The following RANBP17 variants were observed in gnomAD, a reference collection of about 807,000 sequenced individuals.
RANBP17 encodes the protein ran-binding protein 17.
In RANBP17, 158 loss-of-function variants were observed where a neutral mutation model predicts 141.2. The observed-to-expected ratio is 1.12, with a 90% CI of 0.98 to 1.28. RANBP17 has a LOEUF of 1.28. Among genes scored for constraint, RANBP17 ranks in the 50% most tolerant of loss-of-function variants. The pLI is 0.00. For synonymous variants in RANBP17, 430 were observed against 450.0 expected, an observed-to-expected ratio of 0.96 and a Z score of 0.56; for missense variants, 1,438 against 1,290.7, an observed-to-expected ratio of 1.11 and a Z score of -1.75.
chr5:170,945,373 G>A lies in RANBP17; in HGVS notation c.1469-8224G>A, dbSNP rs553501601. Among the ~76,000 whole-genome samples, 318 of 152,198 alleles carry A rather than the reference G, an allele frequency of 2.1e-3. 2 individuals carry two copies. The highest frequency in any genetic ancestry group is 3.4e-3 in the Non-Finnish European group (233 of 68,006). Reference sequence around the variant, plus strand: ...TTTTGTAGGTATGATACAGAACCACGTTAAAAAGGGGATGACAATTTAATA... The same window carrying A: ...TTTTGTAGGTATGATACAGAACCACATTAAAAAGGGGATGACAATTTAATA... On this transcript the variant is annotated intron_variant, in intron 12 of 27. Transcript: ENST00000523189.
chr5:171,268,355 A>C (rs1392344824), intron 25 of RANBP17, among the ~76,000 whole-genome samples: 1 of 152,176 alleles, frequency 6.6e-6, no homozygotes, highest in Non-Finnish European at 1.5e-5. Context: ...CAGATGAATA[A>C]ATTGAGGTAC....
At chr5:171,060,141 T>G (rs572913123) in intron 14 of RANBP17, among the ~76,000 whole-genome samples, 215 of 87,152 alleles carry the variant, frequency 2.5e-3, no homozygotes, top group Non-Finnish European at 4.4e-3. Flanking sequence ...CTTTTCCTAA[T>G]TGAATACCCT....
intron 26 of RANBP17, among the ~76,000 whole-genome samples, chr5:171,295,393 G>T (rs1447418605): frequency 6.6e-6 from 1 of 152,070 alleles, no homozygotes; most frequent in Non-Finnish European, 1.5e-5. Context: ...AACCCCCAAG[G>T]ACAGAGACTT....
At chr5:171,047,052 T>C (rs1035195133) in intron 14 of RANBP17, among the ~76,000 whole-genome samples, 1 of 143,500 alleles carries the variant, frequency 7.0e-6, no homozygotes, top group Admixed American at 7.3e-5. Context: ...AGTTTTGCTC[T>C]TGTTGCCCAG....
chr5:171,055,907 A>C (rs993838903), intron 14 of RANBP17, among the ~76,000 whole-genome samples: 71 of 141,770 alleles, frequency 5.0e-4, no homozygotes, highest in African/African-American at 1.7e-3. Flanking sequence ...CAAAAAAAAA[A>C]ACATTCTTAT....
intron 3 of RANBP17, 140 bp downstream of exon 3, chr5:170,882,036 C>T (rs1234846351): frequency 7.1e-6 from 4 of 566,484 alleles, no homozygotes; most frequent in Non-Finnish European, 1.3e-5. Flanking sequence ...ATTTACTCAT[C>T]TGTGATGAAC....
chr5:171,002,529 T>G (rs1779286102), intron 14 of RANBP17, among the ~76,000 whole-genome samples: 1 of 152,020 alleles, frequency 6.6e-6, no homozygotes, highest in Admixed American at 6.6e-5. Context: ...GGAAACCTTT[T>G]TCAGCCTATA....
chr5:171,141,821 C>A (rs1383818771), intron 14 of RANBP17, among the ~76,000 whole-genome samples: 1 of 152,050 alleles, frequency 6.6e-6, no homozygotes, highest in East Asian at 1.9e-4. Flanking sequence ...TTCAAGAGTT[C>A]ATTTTAAACA....
At chr5:170,873,559 G>A (rs1767929539) in intron 1 of RANBP17, among the ~76,000 whole-genome samples, 2 of 152,032 alleles carry the variant, frequency 1.3e-5, no homozygotes, top group African/African-American at 2.4e-5. Context: ...ACTTCTTCCT[G>A]GTTTAGTGTT....
chr5:170,961,908 C>A (rs976122989), intron 13 of RANBP17, among the ~76,000 whole-genome samples: 1 of 152,150 alleles, frequency 6.6e-6, no homozygotes, highest in Non-Finnish European at 1.5e-5. Context: ...GAGCAAATGG[C>A]CACTCTGAAT....
intron 22 of RANBP17, among the ~76,000 whole-genome samples, chr5:171,222,369 T>C (rs1763620419): frequency 6.6e-6 from 1 of 152,194 alleles, no homozygotes; most frequent in Non-Finnish European, 1.5e-5. Context: ...TAATAAACTC[T>C]AATAATTGCC....
rs1031689744 is a variant in RANBP17, at chr5:171,252,821, G to C, written c.2776+10001G>C. 5 of 1,227,284 alleles carry C rather than the reference G, an allele frequency of 4.1e-6. No homozygotes were observed. In the African/African-American group the frequency reaches 6.0e-5, roughly 15 times the overall value. 76.0% of individuals were successfully genotyped at this position (1,227,284 alleles called of 1,614,324 possible). ...ATTGTCAGCATTGGTCCCAGTCGAG[G>C]CCATTGTATTGTAATAGTTAAGAGT... is the stretch of plus-strand genomic sequence containing the variant. On this transcript the variant is annotated intron_variant, in intron 24 of 27. Transcript: ENST00000523189.
At chr5:171,283,388 C>T (rs760189848) in intron 25 of RANBP17, among the ~76,000 whole-genome samples, 15 of 152,126 alleles carry the variant, frequency 9.9e-5, no homozygotes, top group Non-Finnish European at 2.1e-4. Flanking sequence ...GGTTCTATTC[C>T]CAACGCTTTC....
At chr5:171,273,305 T>C (rs964202362) in intron 25 of RANBP17, among the ~76,000 whole-genome samples, 1 of 152,198 alleles carries the variant, frequency 6.6e-6, no homozygotes, top group Non-Finnish European at 1.5e-5. Flanking sequence ...ATTAACTCTA[T>C]CAGTGGTCAT....
intron 20 of RANBP17, among the ~76,000 whole-genome samples, chr5:171,212,672 T>G (rs1484735258): frequency 6.6e-6 from 1 of 152,120 alleles, no homozygotes; most frequent in African/African-American, 2.4e-5. Flanking sequence ...AGAAACACCA[T>G]TAAGTGATTT....
intron 12 of RANBP17, among the ~76,000 whole-genome samples, chr5:170,948,408 GTC>G (rs1774935576): frequency 6.6e-6 from 1 of 152,082 alleles, no homozygotes; most frequent in South Asian, 2.1e-4. Flanking sequence ...TCAATGGTAT[GTC>G]TATTTTTTAA....
chr5:171,117,488 A>G (rs1755718289), intron 14 of RANBP17, among the ~76,000 whole-genome samples: 1 of 151,798 alleles, frequency 6.6e-6, no homozygotes, highest in African/African-American at 2.4e-5. Flanking sequence ...TTATTTGCTC[A>G]TTTTCTTTTT....
chr5:171,199,641 C>A (rs745959348), intron 18 of RANBP17, 29 bp from the exon 19 acceptor site: 1 of 1,374,816 alleles, frequency 7.3e-7, no homozygotes, highest in Admixed American at 1.8e-5. Context: ...GCATTTTAAA[C>A]CGTAGTGACC....
At chr5:171,051,776 A>G (rs781429362) in intron 14 of RANBP17, among the ~76,000 whole-genome samples, 4 of 152,188 alleles carry the variant, frequency 2.6e-5, no homozygotes, top group African/African-American at 9.6e-5. Flanking sequence ...TTGCTAAATC[A>G]TATGGTAATT....
Sources: gnomAD v4.1 joint callset for allele counts (sites outside exome capture counted in the v4.1 genomes callset) on GRCh38, gnomAD v4.1.1 for gene constraint, MANE v1.5 for transcripts, NCBI Gene and HGNC (gene_info 2026-07-23, HGNC 2026-07-21) for gene names.